Variants in CHRM2 observed in about 807,000 individuals in gnomAD.
CHRM2 encodes the protein muscarinic acetylcholine receptor M2.
In CHRM2, 8 loss-of-function variants were observed where a neutral mutation model predicts 25.0. The ratio of observed to expected loss-of-function variants is 0.32; its 90% CI spans 0.19 to 0.58. The LOEUF (loss-of-function observed/expected upper bound fraction) is 0.58, where lower values mean the gene tolerates loss of function less well. CHRM2 is among the 20% of genes least tolerant of loss of function. The probability of loss-of-function intolerance (pLI) is 0.88; values close to 1 mark genes in which losing one functional copy is unlikely to be tolerated. For missense variants in CHRM2, 440 were observed against 567.1 expected, an observed-to-expected ratio of 0.78 and a Z score of 2.28; for synonymous variants, 202 against 205.7, an observed-to-expected ratio of 0.98 and a Z score of 0.15.
chr7:136,905,834 C>T (rs569978531), intron 2 of CHRM2, among the ~76,000 whole-genome samples: 15 of 151,230 alleles, frequency 9.9e-5, no homozygotes, highest in African/African-American at 2.7e-4. Context: ...ATATTGATTG[C>T]GAGAGTATCT....
At chr7:136,909,401 T>C (rs1797722471) in intron 2 of CHRM2, among the ~76,000 whole-genome samples, 1 of 151,974 alleles carries the variant, frequency 6.6e-6, no homozygotes, top group Non-Finnish European at 1.5e-5. Flanking sequence ...ATGCCAGGTC[T>C]AAGGCTGTTA....
chr7:136,898,487 A>G (rs1298741504), intron 2 of CHRM2, among the ~76,000 whole-genome samples: 2 of 147,386 alleles, frequency 1.4e-5, no homozygotes, highest in Non-Finnish European at 1.5e-5. Context: ...ATTCAATTGC[A>G]TGCCTGTGTG....
intron 2 of CHRM2, among the ~76,000 whole-genome samples, chr7:136,939,420 A>G (rs1201095213): frequency 6.6e-6 from 1 of 152,196 alleles, no homozygotes; most frequent in African/African-American, 2.4e-5. Context: ...TAACCTCTTA[A>G]GCGTCAGTGT....
chr7:136,934,852 A>T (rs1799321675), intron 2 of CHRM2, among the ~76,000 whole-genome samples: 1 of 126,052 alleles, frequency 7.9e-6, no homozygotes, highest in African/African-American at 2.8e-5. Context: ...TATGCCCTGA[A>T]AATAACCAAA....
intron 3 of CHRM2, among the ~76,000 whole-genome samples, chr7:137,011,929 T>C (rs1431075687): frequency 6.6e-6 from 1 of 152,010 alleles, no homozygotes; most frequent in Admixed American, 6.6e-5. Flanking sequence ...GATTGTAATT[T>C]TGGGGATTTT....
chr7:137,006,863 C>T (rs1311027968), intron 3 of CHRM2, among the ~76,000 whole-genome samples: 1 of 152,030 alleles, frequency 6.6e-6, no homozygotes, highest in Non-Finnish European at 1.5e-5. Flanking sequence ...ATACTTTCAA[C>T]ACATCTTTTC....
chr7:137,015,329 G>A lies in CHRM2; in HGVS notation c.464G>A (p.Trp155Ter), dbSNP rs1327261637. 1 of 1,613,346 alleles carries A rather than the reference G, an allele frequency of 6.2e-7. No individual in the cohort carries two copies. Among genetic ancestry groups the A allele is most frequent in the Non-Finnish European group, 8.5e-7 (1 of 1,179,632 alleles). Residue 155 changes from tryptophan (W) to a stop codon, truncating the protein, a stop_gained, in exon 4 of 4, where the codon TGG becomes TAG. Coordinates refer to ENST00000680005, the MANE Select transcript of CHRM2 (RefSeq NM_001006630.2). LOFTEE classifies it high-confidence loss of function. This position sits in a 1 kb window ranked among gnomAD's most constrained non-coding sequence, Gnocchi z 5.1. The stretch of plus-strand genomic sequence containing the variant: ...GCCTGGGTCCTCTCTTTCATCCTCT[G>A]GGCTCCAGCCATTCTCTTCTGGCAG... ...AAAWVLSFIL[W>*]APAILFWQFI...
chr7:136,972,806 C>T (rs1339950065), intron 2 of CHRM2, among the ~76,000 whole-genome samples: 6 of 71,636 alleles, frequency 8.4e-5, no homozygotes, highest in African/African-American at 1.1e-4. Context: ...ACGATGGTGA[C>T]GGTGTTAGGG....
chr7:136,892,369 G>A (rs978662215), intron 2 of CHRM2, among the ~76,000 whole-genome samples: 1 of 152,068 alleles, frequency 6.6e-6, no homozygotes, highest in African/African-American at 2.4e-5. Context: ...AGATTGCATT[G>A]GTCCCAAGTT....
chr7:136,875,094 T>TACACATATATACATATATAC (rs1175305368), intron 2 of CHRM2, among the ~76,000 whole-genome samples: 2 of 147,536 alleles, frequency 1.4e-5, no homozygotes, highest in Non-Finnish European at 1.5e-5. Flanking sequence ...TATACATATA[T>TACACATATATACATATATAC]ACACATATAT....
intron 2 of CHRM2, among the ~76,000 whole-genome samples, chr7:136,932,742 T>G (rs964426946): frequency 1.3e-5 from 2 of 152,154 alleles, no homozygotes; most frequent in Non-Finnish European, 2.9e-5. Flanking sequence ...TTTAAATAGA[T>G]TTTTAGGCTG....
intron 2 of CHRM2, among the ~76,000 whole-genome samples, chr7:136,878,636 C>A (rs1796139826): frequency 6.6e-6 from 1 of 151,752 alleles, no homozygotes; most frequent in Admixed American, 6.6e-5. Context: ...GAGTGTTTAC[C>A]AAATTTTAGA....
rs1323246270 is a variant in CHRM2 at position 136,869,564 on chromosome 7, T to G, written c.-125+146T>G. On this transcript the variant is annotated intron_variant, in intron 2 of 3. Transcript: ENST00000680005. The surrounding 1 kb of genome is among the most constrained non-coding windows in gnomAD (Gnocchi z 4.9). The stretch of plus-strand genomic sequence containing the variant: ...GAGGGAGGTCCTCCCCACGTGCAGA[T>G]TCTCAAACGGAAACTTTGGATCCTG... 1 of 152,358 alleles carries G rather than the reference T, an allele frequency of 6.6e-6. No individual in the cohort carries two copies. The highest frequency in any genetic ancestry group is 2.4e-5 in the African/African-American group (1 of 41,442). The allele number at this position is 152,358 out of a possible 1,614,324, so 9.4% of individuals were successfully genotyped here. A position where few individuals can be genotyped will look rare whatever the true frequency, so the allele number is the denominator to read the frequency against.
In CHRM2 at chr7:137,015,678, T is replaced by A; in HGVS notation, c.813T>A (p.Thr271=). The part of the protein sequence containing the change: ...QNGKAPRDPV[T]ENCVQGEEKE... Reference sequence around the variant, plus strand: ...GCAAAGCCCCCAGGGATCCTGTGACTGAAAACTGTGTTCAGGGAGAGGAGA... The same window carrying A: ...GCAAAGCCCCCAGGGATCCTGTGACAGAAAACTGTGTTCAGGGAGAGGAGA... Residue 271 remains threonine (T), a synonymous_variant, in exon 4 of 4, where the codon ACT becomes ACA. Transcript: ENST00000680005. This position sits in a 1 kb window ranked among gnomAD's most constrained non-coding sequence, Gnocchi z 5.1. 3 of 1,613,120 alleles carry A rather than the reference T, an allele frequency of 1.9e-6. No homozygotes were observed. In the South Asian group the frequency reaches 3.3e-5, roughly 18 times the overall value.
intron 2 of CHRM2, among the ~76,000 whole-genome samples, chr7:136,950,837 A>G (rs1437771567): frequency 6.7e-6 from 1 of 149,044 alleles, no homozygotes; most frequent in Non-Finnish European, 1.5e-5. Context: ...GTTTCGAGAG[A>G]GAGAATCTTG....
intron 2 of CHRM2, chr7:136,903,349 C>A: frequency 2.5e-6 from 1 of 407,730 alleles, no homozygotes. Context: ...GTGCAAATCT[C>A]CTTCAAAAGG....
chr7:136,959,378 A>G (rs563017802), intron 2 of CHRM2, among the ~76,000 whole-genome samples: 1 of 152,332 alleles, frequency 6.6e-6, no homozygotes, highest in Non-Finnish European at 1.5e-5. Context: ...TTATTGAGAT[A>G]GGAGTGCCTG....
chr7:137,004,222 G>T (rs572954578), intron 3 of CHRM2, among the ~76,000 whole-genome samples: 1 of 152,212 alleles, frequency 6.6e-6, no homozygotes, highest in South Asian at 2.1e-4. Flanking sequence ...TTCTGTATGT[G>T]AACTACTCAC....
intron 2 of CHRM2, among the ~76,000 whole-genome samples, chr7:136,957,000 C>A (rs543577705): frequency 6.6e-6 from 1 of 152,020 alleles, no homozygotes; most frequent in African/African-American, 2.4e-5. Flanking sequence ...TGGCGGGACT[C>A]CCCCTACTCC....
Sources: gnomAD v4.1 joint callset for allele counts (sites outside exome capture counted in the v4.1 genomes callset) on GRCh38, gnomAD v4.1.1 for gene constraint, Gnocchi (gnomAD v3.1) non-coding constraint, MANE v1.5 for transcripts, NCBI Gene and HGNC (gene_info 2026-07-23, HGNC 2026-07-21) for gene names.